TMCC1: variants seen among roughly 807,000 people sequenced by gnomAD.
The protein encoded by TMCC1 is transmembrane and coiled-coil domains protein 1.
A neutral mutation model predicts 52.4 loss-of-function variants in TMCC1; 15 were observed. The ratio of observed to expected loss-of-function variants is 0.29; its 90% confidence interval spans 0.19 to 0.44. The LOEUF (loss-of-function observed/expected upper bound fraction) is 0.44, where lower values mean the gene tolerates loss of function less well. TMCC1 is among the 20% of genes least tolerant of loss of function. TMCC1 has a pLI of 1.00. For synonymous variants in TMCC1, 279 were observed against 301.9 expected, an observed-to-expected ratio of 0.92 and a Z score of 0.79; for missense variants, 503 against 806.0, an observed-to-expected ratio of 0.62 and a Z score of 4.55.
chr3:129,684,709 T>C (rs775926186), intron 4 of TMCC1, among the ~76,000 whole-genome samples: 4 of 152,182 alleles, frequency 2.6e-5, no homozygotes, highest in Non-Finnish European at 5.9e-5. Flanking sequence ...GAAAAGTATA[T>C]GATAAAAGGG....
At position 129,879,978 on chromosome 3, in the gene TMCC1, G is replaced by C. The variant is rs375393773; in HGVS notation, c.-184+331C>G. On this transcript the variant is annotated intron_variant, in intron 2 of 6. Coordinates refer to ENST00000393238, the MANE Select transcript of TMCC1 (RefSeq NM_001017395.5). The stretch of plus-strand genomic sequence containing the variant: ...ACTTGAGCCCAGGAGTTTGAGACCA[G>C]CCTGGGCAATACAGCAAGACTCTGT... 3.9e-5 allele frequency among the ~76,000 whole-genome samples: 6 copies of C among 152,086 alleles called. No individual in the cohort carries two copies. In the East Asian group the frequency reaches 1.2e-3, roughly 29 times the overall value.
chr3:129,825,963 A>G (rs1268679985), intron 4 of TMCC1, among the ~76,000 whole-genome samples: 1 of 152,242 alleles, frequency 6.6e-6, no homozygotes, highest in Admixed American at 6.5e-5. Context: ...AGCATTAAAG[A>G]AACAATGTTA....
Position 129,668,013 on chromosome 3 carries a change from C to T in TMCC1, c.1511+2317G>A, listed in dbSNP as rs1245470017. On this transcript the variant is annotated intron_variant, in intron 5 of 6. Coordinates refer to ENST00000393238, the MANE Select transcript of TMCC1 (RefSeq NM_001017395.5). ...ACCAGCCTGGGCAATATAGTGAGACCTTGTCTCTACAAAAGAATTAAAAAA... is the reference window on the plus strand; with the variant it reads ...ACCAGCCTGGGCAATATAGTGAGACTTTGTCTCTACAAAAGAATTAAAAAA... Among the ~76,000 whole-genome samples the T allele has an allele frequency of 2.0e-5, 3 of 152,116 alleles. No individual in the cohort carries two copies. The South Asian group carries it at 6.2e-4, about 32-fold the overall frequency.
intron 4 of TMCC1, among the ~76,000 whole-genome samples, chr3:129,807,452 T>C (rs191401897): frequency 4.2e-4 from 64 of 152,334 alleles, no homozygotes; most frequent in Non-Finnish European, 7.8e-4. Context: ...GACTCATAAA[T>C]TTTCCAGATT....
chr3:129,855,196 C>A (rs2060097722), intron 2 of TMCC1, among the ~76,000 whole-genome samples: 1 of 152,186 alleles, frequency 6.6e-6, no homozygotes, highest in Non-Finnish European at 1.5e-5. Flanking sequence ...AAGAAACCAT[C>A]AAAAACTCAA....
Position 129,785,933 on chromosome 3 carries a change from CTTTT to C in TMCC1, c.576+41866_576+41869del, listed in dbSNP as rs11391336. ...TCATGTTAGAACTTACCCTCACCCC[CTTTT>C]TTTTTTTTTTTTTTTAAGACAGAGT... On this transcript the variant is annotated intron_variant, in intron 4 of 6. Coordinates refer to ENST00000393238, the MANE Select transcript of TMCC1 (RefSeq NM_001017395.5). Among the ~76,000 whole-genome samples, 163 of 127,614 alleles carry C rather than the reference CTTTT, an allele frequency of 1.3e-3. No individual in the cohort carries two copies. The East Asian group carries it at 0.013, about 10-fold the overall frequency. 83.7% of individuals were successfully genotyped at this position (127,614 alleles called of 152,430 possible). A position where few individuals can be genotyped will look rare whatever the true frequency, so the allele number is the denominator to read the frequency against.
chr3:129,836,828 C>T (rs1349653498), intron 2 of TMCC1, among the ~76,000 whole-genome samples: 1 of 152,198 alleles, frequency 6.6e-6, no homozygotes, highest in African/African-American at 2.4e-5. Context: ...GCTTTTCCTC[C>T]AGGAACCTCA....
intron 4 of TMCC1, among the ~76,000 whole-genome samples, chr3:129,701,433 G>GCT (rs757365604): frequency 1.3e-4 from 20 of 152,186 alleles, no homozygotes; most frequent in Non-Finnish European, 2.6e-4. Context: ...GACTTCAGCA[G>GCT]CTCTCTTTAT....
chr3:129,772,880 G>A (rs1196949207), intron 4 of TMCC1, among the ~76,000 whole-genome samples: 1 of 152,104 alleles, frequency 6.6e-6, no homozygotes, highest in African/African-American at 2.4e-5. Context: ...AAATGTGAAA[G>A]TTACAACCTA....
chr3:129,751,131 G>T (rs912165438), intron 4 of TMCC1, among the ~76,000 whole-genome samples: 4 of 152,052 alleles, frequency 2.6e-5, no homozygotes, highest in African/African-American at 9.7e-5. Flanking sequence ...GACCCAGGAG[G>T]TGCAGGTTGC....
intron 4 of TMCC1, among the ~76,000 whole-genome samples, chr3:129,695,691 T>C (rs987897773): frequency 1.3e-5 from 2 of 152,168 alleles, no homozygotes; most frequent in Non-Finnish European, 2.9e-5. Context: ...ATGGGGATTA[T>C]GGGAACTACA....
chr3:129,691,032 ATTTGTTTCTTCTCTTGCTGACTT>A (rs2046996708), intron 4 of TMCC1, among the ~76,000 whole-genome samples: 1 of 151,976 alleles, frequency 6.6e-6, no homozygotes, highest in Non-Finnish European at 1.5e-5. Flanking sequence ...CCTTGTTCTC[ATTTGTTTCTTCTCTTGCTGACTT>A]TTTGTTTCTG....
intron 4 of TMCC1, among the ~76,000 whole-genome samples, chr3:129,825,966 CAA>C (rs1174391602): frequency 1.3e-5 from 2 of 152,168 alleles, no homozygotes; most frequent in African/African-American, 4.8e-5. Flanking sequence ...ATTAAAGAAA[CAA>C]TGTTATGAAA....
At chr3:129,698,580 G>A (rs778108260) in intron 4 of TMCC1, among the ~76,000 whole-genome samples, 3 of 152,120 alleles carry the variant, frequency 2.0e-5, no homozygotes, top group African/African-American at 7.2e-5. Flanking sequence ...AATTCTCTGT[G>A]TGCTCAATTT....
chr3:129,817,582 C>G (rs914394826), intron 4 of TMCC1, among the ~76,000 whole-genome samples: 2 of 152,150 alleles, frequency 1.3e-5, no homozygotes, highest in African/African-American at 4.8e-5. Context: ...CTTCTAGGCC[C>G]TTAGAGACTA....
At chr3:129,707,081 T>G (rs2048307409) in intron 4 of TMCC1, among the ~76,000 whole-genome samples, 2 of 152,150 alleles carry the variant, frequency 1.3e-5, no homozygotes, top group African/African-American at 2.4e-5. Flanking sequence ...GATTTAGAAG[T>G]TGGTGATGAG....
rs2086314157 is a variant in TMCC1, at chr3:129,651,451, G to A, written c.*30C>T. ...CTCTCTGCTGCATGCACTCGCCAGA[G>A]GGTAGGGAACAATGCCTTCTGTGCC... On this transcript the variant is annotated 3_prime_UTR_variant, in exon 7 of 7. Transcript: ENST00000393238. This position sits in a 1 kb window ranked among gnomAD's most constrained non-coding sequence, Gnocchi z 5.1. The A allele has an allele frequency of 1.9e-6, 3 of 1,598,564 alleles. No homozygotes were observed. The highest frequency in any genetic ancestry group is 2.6e-6 in the Non-Finnish European group (3 of 1,170,176).
At position 129,651,444 on chromosome 3, in the gene TMCC1, C is replaced by T. The variant is rs780331451; in HGVS notation, c.*37G>A. On this transcript the variant is annotated 3_prime_UTR_variant, in exon 7 of 7. Transcript: ENST00000393238. This position sits in a 1 kb window ranked among gnomAD's most constrained non-coding sequence, Gnocchi z 5.1. ...TGTCTAACTCTCTGCTGCATGCACT[C>T]GCCAGAGGGTAGGGAACAATGCCTT... is the stretch of plus-strand genomic sequence containing the variant. 23 of 1,588,322 alleles carry T rather than the reference C, an allele frequency of 1.4e-5. No homozygotes were observed. Among genetic ancestry groups the T allele is most frequent in the South Asian group, 6.9e-5 (6 of 87,110 alleles).
intron 2 of TMCC1, among the ~76,000 whole-genome samples, chr3:129,866,364 T>TTATATATA (rs1249286467): frequency 2.1e-5 from 3 of 142,186 alleles, no homozygotes; most frequent in African/African-American, 7.8e-5. Context: ...AATATATATT[T>TTATATATA]TATATATATA....
Sources: allele counts gnomAD v4.1 joint callset (sites outside exome capture counted in the v4.1 genomes callset), GRCh38; gene constraint gnomAD v4.1.1; non-coding constraint Gnocchi (gnomAD v3.1); transcripts MANE v1.5; gene names NCBI Gene and HGNC (gene_info 2026-07-23, HGNC 2026-07-21).